The following GDA variants were observed in gnomAD, a reference collection of about 807,000 sequenced individuals.
GDA encodes guanine deaminase.
A neutral mutation model predicts 59.6 loss-of-function variants in GDA; 18 were observed. That is an observed-to-expected ratio of 0.30 (90% confidence interval 0.21 to 0.45). The LOEUF is 0.45. GDA is among the 20% of genes least tolerant of loss of function. The pLI is 1.00. For missense variants in GDA, 427 were observed against 552.3 expected (o/e 0.77, Z 2.27); for synonymous variants, 201 against 201.1 (o/e 1.00, Z 0.00).
At chr9:72,174,173 C>T (rs1830293490) in intron 1 of GDA, among the ~76,000 whole-genome samples, 1 of 152,136 alleles carries the variant, frequency 6.6e-6, no homozygotes, top group South Asian at 2.1e-4. Flanking sequence ...TCAGCAGGTG[C>T]TCATTAGGAT....
intron 1 of GDA, among the ~76,000 whole-genome samples, chr9:72,169,617 G>T (rs1222241379): frequency 1.3e-5 from 2 of 152,134 alleles, no homozygotes; most frequent in Non-Finnish European, 2.9e-5. Flanking sequence ...ATCAAACTGT[G>T]GACTAAATAT....
downstream of GDA, among the ~76,000 whole-genome samples, chr9:72,255,977 A>G (rs1264217463): frequency 1.7e-5 from 1 of 59,528 alleles, no homozygotes. Context: ...GTATAAATGC[A>G]TATAAAAACT....
At chr9:72,170,344 T>C (rs1408862811) in intron 1 of GDA, among the ~76,000 whole-genome samples, 1 of 152,200 alleles carries the variant, frequency 6.6e-6, no homozygotes, top group African/African-American at 2.4e-5. Flanking sequence ...AGTGAATGTA[T>C]ATATAGACAA....
intron 1 of GDA, among the ~76,000 whole-genome samples, chr9:72,121,369 G>A (rs996109454): frequency 2.6e-5 from 4 of 152,120 alleles, no homozygotes; most frequent in Non-Finnish European, 4.4e-5. Context: ...AAGCCAAAGC[G>A]GGTGGATCAC....
chr9:72,249,701 C>A lies in GDA; in HGVS notation c.*1359C>A. The A allele has an allele frequency of 1.4e-6, 1 of 695,552 alleles. No homozygotes were observed. The highest frequency in any genetic ancestry group is 1.8e-6 in the Non-Finnish European group (1 of 565,860). The allele number at this position is 695,552 out of a possible 1,614,324, so 43.1% of individuals were successfully genotyped here. ...TATTTTTCTTATTTAATTACAAATA[C>A]TATAAATGAGCAAGGAAAAGGAATA... is the stretch of plus-strand genomic sequence containing the variant. On this transcript the variant is annotated 3_prime_UTR_variant, in exon 14 of 14. Transcript: ENST00000358399.
chr9:72,210,805 C>T (rs747509974), intron 4 of GDA, 31 bp downstream of exon 4: 2 of 1,368,870 alleles, frequency 1.5e-6, no homozygotes, highest in East Asian at 2.3e-5. Flanking sequence ...TTATGGGCAC[C>T]TCAAGCAAAG....
At chr9:72,200,707 A>G (rs1207005719) in intron 2 of GDA, among the ~76,000 whole-genome samples, 1 of 152,238 alleles carries the variant, frequency 6.6e-6, no homozygotes, top group Non-Finnish European at 1.5e-5. Flanking sequence ...TTGTAGAGAG[A>G]TCAGTGACTG....
intron 1 of GDA, among the ~76,000 whole-genome samples, chr9:72,164,043 G>A (rs1028889342): frequency 5.9e-5 from 9 of 152,218 alleles, no homozygotes; most frequent in African/African-American, 2.2e-4. Context: ...CAGCCAGGGA[G>A]GGTGGATCCA....
At position 72,149,486 on chromosome 9, in the gene GDA, C is replaced by T. The variant is rs1564160933; in HGVS notation, c.-74C>T. The T allele has an allele frequency of 1.9e-6, 3 of 1,561,968 alleles. No individual in the cohort carries two copies. Among genetic ancestry groups the T allele is most frequent in the Admixed American group, 3.5e-5 (2 of 57,786 alleles). The stretch of plus-strand genomic sequence containing the variant: ...TCCGCCCGGCAGCCGCCCGCAGCTG[C>T]AGAGAGTCCCGCTGCGTCTCCGCCG... On this transcript the variant is annotated 5_prime_UTR_variant, in exon 1 of 14. Transcript: ENST00000358399.
intron 1 of GDA, among the ~76,000 whole-genome samples, chr9:72,180,539 A>G (rs917296109): frequency 6.6e-6 from 1 of 152,136 alleles, no homozygotes; most frequent in African/African-American, 2.4e-5. Context: ...CTTTTCCTAA[A>G]TTAATTCTTA....
At chr9:72,162,713 G>A (rs369545568) in intron 1 of GDA, among the ~76,000 whole-genome samples, 4 of 151,444 alleles carry the variant, frequency 2.6e-5, no homozygotes, top group Admixed American at 6.6e-5. Context: ...GCTGGAGTGC[G>A]GTGGCGTGGT....
intron 11 of GDA, 49 bp downstream of exon 11, chr9:72,241,347 C>T (rs755454987): frequency 2.4e-5 from 34 of 1,405,618 alleles, no homozygotes; most frequent in Non-Finnish European, 3.1e-5. Flanking sequence ...CCATGCTGAT[C>T]GGTGTCTTTG....
chr9:72,141,914 A>T (rs1234111265), intron 1 of GDA, among the ~76,000 whole-genome samples: 1 of 152,212 alleles, frequency 6.6e-6, no homozygotes, highest in Non-Finnish European at 1.5e-5. Flanking sequence ...GCTCCCAAAA[A>T]TGTGTGAAAT....
At chr9:72,213,410 C>T (rs1440746103) in intron 4 of GDA, among the ~76,000 whole-genome samples, 3 of 152,152 alleles carry the variant, frequency 2.0e-5, no homozygotes, top group Non-Finnish European at 4.4e-5. Flanking sequence ...TGTGGTGGTT[C>T]TTGTTCTTAA....
In GDA at chr9:72,248,387, T is replaced by C. The variant is rs1464862522; in HGVS notation, c.*45T>C. ...AGTTCTCCTGGGATTAGCGTGGTTC[T>C]GCATCTCCCTTGTGCCCAGGTGGAG... On this transcript the variant is annotated 3_prime_UTR_variant, in exon 14 of 14. Coordinates refer to ENST00000358399, the MANE Select transcript of GDA (RefSeq NM_004293.5). The C allele has an allele frequency of 1.2e-6, 2 of 1,611,920 alleles. No homozygotes were observed. The highest frequency in any genetic ancestry group is 1.7e-5 in the Admixed American group (1 of 59,668).
intron 1 of GDA, among the ~76,000 whole-genome samples, chr9:72,152,522 G>C (rs1406974910): frequency 6.6e-6 from 1 of 152,166 alleles, no homozygotes; most frequent in Non-Finnish European, 1.5e-5. Flanking sequence ...GTTTTGATTT[G>C]CATTTCTCTG....
At chr9:72,169,986 T>C (rs987262541) in intron 1 of GDA, among the ~76,000 whole-genome samples, 4 of 152,184 alleles carry the variant, frequency 2.6e-5, no homozygotes, top group African/African-American at 7.2e-5. Context: ...GGAGGTGTTC[T>C]CTCTATTCCA....
At chr9:72,208,409 G>A (rs1201436836) in intron 3 of GDA, among the ~76,000 whole-genome samples, 2 of 152,188 alleles carry the variant, frequency 1.3e-5, no homozygotes, top group African/African-American at 4.8e-5. Context: ...ATGCCCCAAA[G>A]TATTCAATCC....
intron 7 of GDA, among the ~76,000 whole-genome samples, chr9:72,223,890 G>A (rs1238966704): frequency 6.6e-6 from 1 of 152,162 alleles, no homozygotes; most frequent in Admixed American, 6.5e-5. Flanking sequence ...TATAAGAAAG[G>A]TCAGATCAGG....
Sources: allele counts gnomAD v4.1 joint callset (sites outside exome capture counted in the v4.1 genomes callset), GRCh38; gene constraint gnomAD v4.1.1; transcripts MANE v1.5; gene names NCBI Gene and HGNC (gene_info 2026-07-23, HGNC 2026-07-21).